The following ZDHHC2 variants were observed in gnomAD, a reference collection of about 807,000 sequenced individuals.
ZDHHC2 encodes zDHHC palmitoyltransferase 2.
Under a neutral mutation model 55.6 loss-of-function variants are expected in ZDHHC2, and 51 were observed. The ratio of observed to expected loss-of-function variants is 0.92; its 90% CI spans 0.73 to 1.16. The LOEUF is 1.16. ZDHHC2 is among the 50% of genes most tolerant of loss of function. ZDHHC2 has a pLI of 0.00. For synonymous variants in ZDHHC2, 199 were observed against 152.9 expected (o/e 1.30, Z -2.22); for missense variants, 491 against 442.4 (o/e 1.11, Z -0.99).
intron 10 of ZDHHC2, among the ~76,000 whole-genome samples, chr8:17,210,927 C>T (rs1807353425): frequency 6.6e-6 from 1 of 152,054 alleles, no homozygotes; most frequent in African/African-American, 2.4e-5. Flanking sequence ...TTGACAACTC[C>T]ATTTTAATGT....
At chr8:17,205,288 G>A (rs1807043372) in intron 6 of ZDHHC2, among the ~76,000 whole-genome samples, 1 of 152,112 alleles carries the variant, frequency 6.6e-6, no homozygotes, top group Non-Finnish European at 1.5e-5. Flanking sequence ...ATCATAGTTG[G>A]ATATCAAACC....
chr8:17,159,649 CCT>C (rs1265199409), intron 1 of ZDHHC2, among the ~76,000 whole-genome samples: 19 of 152,220 alleles, frequency 1.2e-4, no homozygotes, highest in African/African-American at 4.1e-4. Flanking sequence ...ATAAAAATAA[CCT>C]CTCTTTTTGG....
chr8:17,156,916 C>CCGGGGAGGCAGAG, intron 1 of ZDHHC2, 63 bp downstream of exon 1: 1 of 1,398,326 alleles, frequency 7.2e-7, no homozygotes, highest in Non-Finnish European at 9.4e-7. Context: ...TGTCCCGGGA[C>CCGGGGAGGCAGAG]GCTCAGCCGC....
chr8:17,167,497 G>A (rs116840831), intron 1 of ZDHHC2, among the ~76,000 whole-genome samples: 5,284 of 151,896 alleles, frequency 0.035, 140 homozygotes, highest in Non-Finnish European at 0.054. Flanking sequence ...TAGAGACGGG[G>A]TTTCCGCATG....
rs1198409875 is a variant in ZDHHC2, at chr8:17,222,086, A to G, written c.*1865A>G. ...TCAAACTGGAAGCTAGGGGAAAAAG[A>G]GGGATTTTTATCCTTTACTCTTCTA... On this transcript the variant is annotated 3_prime_UTR_variant, in exon 13 of 13. Coordinates refer to ENST00000262096, the MANE Select transcript of ZDHHC2 (RefSeq NM_016353.5). 1 of 149,700 alleles carries G rather than the reference A, an allele frequency of 6.7e-6. No homozygotes were observed. The highest frequency in any genetic ancestry group is 2.5e-5 in the African/African-American group (1 of 40,812). The allele number at this position is 149,700 out of a possible 1,614,324, so 9.3% of individuals were successfully genotyped here.
chr8:17,212,136 G>A (rs950968769), intron 10 of ZDHHC2, among the ~76,000 whole-genome samples: 5 of 152,072 alleles, frequency 3.3e-5, no homozygotes, highest in African/African-American at 1.2e-4. Flanking sequence ...TCCTTTGAAT[G>A]TTGAGGTCAG....
At chr8:17,183,973 A>G (rs1320604426) in intron 1 of ZDHHC2, among the ~76,000 whole-genome samples, 1 of 152,142 alleles carries the variant, frequency 6.6e-6, no homozygotes, top group Non-Finnish European at 1.5e-5. Flanking sequence ...TTCCAGCACC[A>G]AGGCCTGAGG....
intron 12 of ZDHHC2, 27 bp from the exon 13 acceptor site, chr8:17,220,229 G>T (rs1032394782): frequency 1.3e-5 from 2 of 152,164 alleles, no homozygotes; most frequent in African/African-American, 4.8e-5. Context: ...TAACATAGTA[G>T]TTTCATGTTT....
At chr8:17,181,905 AC>A (rs1430594859) in intron 1 of ZDHHC2, among the ~76,000 whole-genome samples, 1 of 152,158 alleles carries the variant, frequency 6.6e-6, no homozygotes, top group Non-Finnish European at 1.5e-5. Flanking sequence ...TTACTTTTGA[AC>A]AAAAATATTT....
chr8:17,220,969 A>G lies in ZDHHC2; in HGVS notation c.*748A>G, dbSNP rs1463397298. ...ATATATTTTCATCTCTTCTTGTTAA[A>G]TTGGGAGGAAATTTATGATAGCAAT... On this transcript the variant is annotated 3_prime_UTR_variant, in exon 13 of 13. Transcript: ENST00000262096. The G allele has an allele frequency of 6.6e-6, 1 of 152,180 alleles. No homozygotes were observed. The highest frequency in any genetic ancestry group is 2.4e-5 in the African/African-American group (1 of 41,430). The allele number at this position is 152,180 out of a possible 1,614,324, so 9.4% of individuals were successfully genotyped here.
At chr8:17,168,733 G>C (rs1369525294) in intron 1 of ZDHHC2, among the ~76,000 whole-genome samples, 1 of 152,026 alleles carries the variant, frequency 6.6e-6, no homozygotes, top group East Asian at 1.9e-4. Flanking sequence ...CCTATGAGTG[G>C]AATCATACAA....
intron 10 of ZDHHC2, 56 bp from the exon 11 acceptor site, chr8:17,215,179 ACT>A: frequency 6.8e-6 from 10 of 1,470,970 alleles, no homozygotes; most frequent in Non-Finnish European, 9.3e-6. Flanking sequence ...GAAACAATCA[ACT>A]TTACTATCAA....
chr8:17,199,661 C>G (rs934025249), intron 6 of ZDHHC2, among the ~76,000 whole-genome samples: 1 of 85,002 alleles, frequency 1.2e-5, no homozygotes, highest in Non-Finnish European at 2.9e-5. Context: ...TCCCTCCTCC[C>G]TCCTCCCTCC....
chr8:17,209,087 A>G (rs557998839), intron 8 of ZDHHC2, among the ~76,000 whole-genome samples: 62 of 152,292 alleles, frequency 4.1e-4, no homozygotes, highest in African/African-American at 1.5e-3. Flanking sequence ...GCATGATTCA[A>G]GAAGAAAATG....
chr8:17,223,424 AAC>A lies in ZDHHC2; in HGVS notation c.*3206_*3207del, dbSNP rs1807999020. 6.6e-6 allele frequency: 1 copy of A among 151,934 alleles called. No homozygotes were observed. The highest frequency in any genetic ancestry group is 1.5e-5 in the Non-Finnish European group (1 of 67,816). The allele number at this position is 151,934 out of a possible 1,614,324, so 9.4% of individuals were successfully genotyped here. A position where few individuals can be genotyped will look rare whatever the true frequency, so the allele number is the denominator to read the frequency against. The stretch of plus-strand genomic sequence containing the variant: ...TTAAACAAGTGGATTTTTCACAAAT[AAC>A]ACGTGTTTAATATCTTTCTGCAGAA... On this transcript the variant is annotated 3_prime_UTR_variant, in exon 13 of 13. Coordinates refer to ENST00000262096, the MANE Select transcript of ZDHHC2 (RefSeq NM_016353.5).
intron 10 of ZDHHC2, among the ~76,000 whole-genome samples, chr8:17,210,784 T>G (rs561191055): frequency 6.6e-6 from 1 of 152,162 alleles, no homozygotes; most frequent in Non-Finnish European, 1.5e-5. Flanking sequence ...AAGTCAAAAT[T>G]AGCTACCCAC....
In ZDHHC2 at chr8:17,156,815, G is replaced by T. The variant is rs906339817; in HGVS notation, c.92G>T (p.Gly31Val). 80 of 1,521,496 alleles carry T rather than the reference G, an allele frequency of 5.3e-5. No homozygotes were observed. The highest frequency in any genetic ancestry group is 6.7e-5 in the Non-Finnish European group (76 of 1,133,226). The allele number at this position is 1,521,496 out of a possible 1,614,324, so 94.2% of individuals were successfully genotyped here. ...IPVVFITLLL[G>V]WSYYAYAIQL... The stretch of plus-strand genomic sequence containing the variant: ...GTGGTGTTCATCACCCTCCTGCTCG[G>T]CTGGTCCTACTACGCCTACGCCATC... The change falls in exon 1 of 13, where the codon GGC (glycine) becomes GTC (valine). Residue 31 changes from glycine to valine, a missense_variant. Coordinates refer to ENST00000262096, the MANE Select transcript of ZDHHC2 (RefSeq NM_016353.5).
chr8:17,179,359 T>C (rs1226104094), intron 1 of ZDHHC2, among the ~76,000 whole-genome samples: 1 of 152,162 alleles, frequency 6.6e-6, no homozygotes, highest in South Asian at 2.1e-4. Flanking sequence ...GTAGCATCGA[T>C]GATGGTTCTA....
intron 11 of ZDHHC2, among the ~76,000 whole-genome samples, chr8:17,215,752 C>G (rs1200040932): frequency 6.6e-6 from 1 of 152,198 alleles, no homozygotes; most frequent in Non-Finnish European, 1.5e-5. Context: ...TGTCCAATTT[C>G]AAAATGTCTG....
Sources: allele counts gnomAD v4.1 joint callset (sites outside exome capture counted in the v4.1 genomes callset), GRCh38; gene constraint gnomAD v4.1.1; transcripts MANE v1.5; gene names NCBI Gene and HGNC (gene_info 2026-07-23, HGNC 2026-07-21).